HS6ST2: variants seen among roughly 807,000 people sequenced by gnomAD.
HS6ST2 encodes the protein heparan-sulfate 6-O-sulfotransferase 2.
Under a neutral mutation model 33.0 loss-of-function variants are expected in HS6ST2, and 17 were observed. The observed-to-expected ratio is 0.52, with a 90% confidence interval of 0.35 to 0.77. The LOEUF is 0.77. Among genes scored for constraint, HS6ST2 ranks in the 30% least tolerant of loss-of-function variants. The pLI is 0.01. For synonymous variants in HS6ST2, 248 were observed against 237.1 expected (o/e 1.05, Z -0.42); for missense variants, 519 against 551.7 (o/e 0.94, Z 0.59).
intron 2 of HS6ST2, among the ~76,000 whole-genome samples, chrX:132,918,818 C>G (rs944965937): frequency 1.8e-5 from 2 of 111,953 alleles, no homozygotes; most frequent in Non-Finnish European, 3.8e-5. Context: ...GGCAAGAAAG[C>G]CCTGCTAACT....
chrX:132,894,747 G>A (rs774036284), intron 2 of HS6ST2, among the ~76,000 whole-genome samples: 4 of 110,723 alleles, frequency 3.6e-5, no homozygotes, highest in African/African-American at 6.6e-5. Context: ...TGTTGGCCAG[G>A]CTGGTCTCGA....
chrX:132,858,523 G>A (rs1241859735), intron 2 of HS6ST2, among the ~76,000 whole-genome samples: 1 of 111,947 alleles, frequency 8.9e-6, no homozygotes, highest in Admixed American at 9.5e-5. Flanking sequence ...GTAGAAAGAA[G>A]ATGTATTCTC....
chrX:132,718,473 A>T (rs1305638213), intron 2 of HS6ST2, among the ~76,000 whole-genome samples: 1 of 111,390 alleles, frequency 9.0e-6, no homozygotes, highest in Non-Finnish European at 1.9e-5. Context: ...GCCTTGTCTA[A>T]TTCTAATGCA....
Position 132,757,508 on chromosome X carries a change from G to T in HS6ST2, c.948-49014C>A, listed in dbSNP as rs1331022401. On this transcript the variant is annotated intron_variant, in intron 2 of 4. Coordinates refer to ENST00000370833, the MANE Select transcript of HS6ST2 (RefSeq NM_001394073.1). The stretch of plus-strand genomic sequence containing the variant: ...GCACCTGGGCAGATGCTGGGTTCAT[G>T]TGTGGGTGTGGTGAGAATGCAGAGT... 5.4e-5 allele frequency among the ~76,000 whole-genome samples: 6 copies of T among 111,319 alleles called. No homozygotes were observed. The Admixed American group carries it at 5.7e-4, about 11-fold the overall frequency.
intron 2 of HS6ST2, among the ~76,000 whole-genome samples, chrX:132,766,071 C>T (rs1035588946): frequency 9.0e-6 from 1 of 111,547 alleles, no homozygotes; most frequent in Admixed American, 9.5e-5. Flanking sequence ...TCGGCCCAGA[C>T]TCAGGAACCA....
intron 2 of HS6ST2, among the ~76,000 whole-genome samples, chrX:132,927,818 T>A (rs1229642426): frequency 1.0e-5 from 1 of 96,074 alleles, no homozygotes; most frequent in Non-Finnish European, 2.0e-5. Context: ...GAACACAACA[T>A]TACACTCCAG....
chrX:132,816,392 T>A (rs918365353), intron 2 of HS6ST2, among the ~76,000 whole-genome samples: 2 of 112,077 alleles, frequency 1.8e-5, no homozygotes, highest in East Asian at 2.8e-4. Context: ...TCCCCAAGAT[T>A]CAAAGGTTAT....
intron 2 of HS6ST2, among the ~76,000 whole-genome samples, chrX:132,790,480 T>C (rs1375978591): frequency 8.9e-6 from 1 of 112,104 alleles, no homozygotes; most frequent in Non-Finnish European, 1.9e-5. Flanking sequence ...CATGTTATTG[T>C]GGGGTGGTCT....
intron 2 of HS6ST2, among the ~76,000 whole-genome samples, chrX:132,900,766 A>T (rs2066419401): frequency 9.0e-6 from 1 of 111,337 alleles, no homozygotes; most frequent in African/African-American, 3.3e-5. Flanking sequence ...GCAGCCTCTA[A>T]GATGACTTCC....
chrX:132,693,119 A>G, intron 3 of HS6ST2, among the ~76,000 whole-genome samples: 1 of 112,148 alleles, frequency 8.9e-6, no homozygotes, highest in East Asian at 2.8e-4. Flanking sequence ...ACATAGGTAA[A>G]TGTCTCATAT....
intron 2 of HS6ST2, among the ~76,000 whole-genome samples, chrX:132,946,356 T>C (rs1427716977): frequency 1.8e-5 from 2 of 111,956 alleles, no homozygotes; most frequent in Admixed American, 9.5e-5. Context: ...TAGCAAAGTC[T>C]TGGAACCAAC....
At chrX:132,720,761 A>C (rs904882702) in intron 2 of HS6ST2, among the ~76,000 whole-genome samples, 8 of 111,092 alleles carry the variant, frequency 7.2e-5, no homozygotes, top group African/African-American at 2.6e-4. Flanking sequence ...CCAAAAAAAA[A>C]AAAGAGTAGG....
At chrX:132,913,193 C>A (rs1846343857) in intron 2 of HS6ST2, among the ~76,000 whole-genome samples, 1 of 111,172 alleles carries the variant, frequency 9.0e-6, no homozygotes, top group East Asian at 2.9e-4. Flanking sequence ...GGGACAAGAA[C>A]TCAGAACCTG....
At position 132,958,231 on chromosome X, in the gene HS6ST2, G is replaced by A. The variant is rs1224003934; in HGVS notation, c.372C>T (p.His124=). ...LLTRGLAALG[H]SLKHVLGAIF... ...TCGCACCGAGCACGTGCTTCAGCGAGTGGCCCAGGGCGGCCAGGCCCCGAG... is the reference window on the plus strand; with the variant it reads ...TCGCACCGAGCACGTGCTTCAGCGAATGGCCCAGGGCGGCCAGGCCCCGAG... Residue 124 remains histidine, a synonymous_variant, in exon 1 of 5, where the codon CAC becomes CAT. Transcript: ENST00000370833. 1.7e-6 allele frequency: 2 copies of A among 1,174,862 alleles called. No individual in the cohort carries two copies. The highest frequency in any genetic ancestry group is 2.3e-6 in the Non-Finnish European group (2 of 882,812).
At position 132,787,772 on chromosome X, in the gene HS6ST2, T is replaced by C. The variant is rs747127598; in HGVS notation, c.948-79278A>G. 1.9e-3 allele frequency among the ~76,000 whole-genome samples: 203 copies of C among 108,121 alleles called. 1 individual carries two copies. The highest frequency in any genetic ancestry group is 3.2e-3 in the Non-Finnish European group (165 of 52,149). 93.9% of individuals were successfully genotyped at this position (108,121 alleles called of 115,157 possible). On this transcript the variant is annotated intron_variant, in intron 2 of 4. Transcript: ENST00000370833. ...TGGGCGTTGTGGTACATGCCTGTAATGCCAGCTGCTCAGGAGGCTGAGGCC... is the reference window on the plus strand; with the variant it reads ...TGGGCGTTGTGGTACATGCCTGTAACGCCAGCTGCTCAGGAGGCTGAGGCC...
At chrX:132,864,930 C>T (rs1007909885) in intron 2 of HS6ST2, among the ~76,000 whole-genome samples, 4 of 111,561 alleles carry the variant, frequency 3.6e-5, no homozygotes, top group African/African-American at 1.3e-4. Context: ...ACCCTACAAG[C>T]CAGAAGAGAA....
chrX:132,684,700 C>A (rs1041399307), intron 3 of HS6ST2, among the ~76,000 whole-genome samples: 1 of 99,061 alleles, frequency 1.0e-5, no homozygotes, highest in Non-Finnish European at 2.1e-5. Context: ...ATCCTGCCCT[C>A]TCATCAGCAG....
At chrX:132,871,926 A>C (rs1386631705) in intron 2 of HS6ST2, among the ~76,000 whole-genome samples, 1 of 111,800 alleles carries the variant, frequency 8.9e-6, no homozygotes, top group Non-Finnish European at 1.9e-5. Context: ...ACTTAAAAGT[A>C]TAATAATAAA....
intron 2 of HS6ST2, among the ~76,000 whole-genome samples, chrX:132,890,027 G>A (rs926285574): frequency 9.0e-6 from 1 of 111,584 alleles, no homozygotes; most frequent in Non-Finnish European, 1.9e-5. Flanking sequence ...ATAGGCAACA[G>A]TAACTCTTTG....
Sources: allele counts gnomAD v4.1 joint callset (sites outside exome capture counted in the v4.1 genomes callset), GRCh38; gene constraint gnomAD v4.1.1; transcripts MANE v1.5; gene names NCBI Gene and HGNC (gene_info 2026-07-23, HGNC 2026-07-21).